The following PRKN variants were observed in gnomAD, a reference collection of about 807,000 sequenced individuals.
PRKN encodes the protein parkin RBR E3 ubiquitin protein ligase, also known as E3 ubiquitin-protein ligase parkin.
PRKN carries 56 observed loss-of-function variants against 59.5 expected under a neutral mutation model. The ratio of observed to expected loss-of-function variants is 0.94; its 90% CI spans 0.76 to 1.18. The LOEUF is 1.18. PRKN is among the 50% of genes most tolerant of loss of function. PRKN has a pLI of 0.00. For synonymous variants in PRKN, 250 were observed against 222.1 expected, an observed-to-expected ratio of 1.13 and a Z score of -1.12; for missense variants, 657 against 596.4, an observed-to-expected ratio of 1.10 and a Z score of -1.06.
chr6:161,778,791 T>G (rs922630092), intron 7 of PRKN, among the ~76,000 whole-genome samples: 1 of 152,186 alleles, frequency 6.6e-6, no homozygotes, highest in African/African-American at 2.4e-5. Context: ...TCAGGGGCTG[T>G]GCTGCATCTG....
chr6:161,845,399 C>A (rs1472075464), intron 6 of PRKN, among the ~76,000 whole-genome samples: 1 of 152,164 alleles, frequency 6.6e-6, no homozygotes, highest in East Asian at 1.9e-4. Context: ...CCATGTGGGT[C>A]ATTCCCAAAG....
At chr6:162,274,197 ATTTATTTT>A (rs1562632005) in intron 2 of PRKN, among the ~76,000 whole-genome samples, 1 of 151,646 alleles carries the variant, frequency 6.6e-6, no homozygotes, top group African/African-American at 2.4e-5. Context: ...TTATTTATTT[ATTTATTTT>A]GTGAGACCAG....
chr6:162,619,710 T>TCA (rs56144864), intron 1 of PRKN, among the ~76,000 whole-genome samples: 10,797 of 150,410 alleles, frequency 0.072, 459 homozygotes, highest in Middle Eastern at 0.15. Flanking sequence ...CTTTTTCCAC[T>TCA]CACACACACA....
At chr6:161,904,570 C>A (rs1034013710) in intron 6 of PRKN, among the ~76,000 whole-genome samples, 2 of 152,122 alleles carry the variant, frequency 1.3e-5, no homozygotes, top group African/African-American at 4.8e-5. Flanking sequence ...CTGCCTCGGC[C>A]TCCCAAAGTA....
At chr6:161,623,177 A>G (rs1582905238) in intron 7 of PRKN, among the ~76,000 whole-genome samples, 1 of 152,188 alleles carries the variant, frequency 6.6e-6, no homozygotes, top group African/African-American at 2.4e-5. Context: ...CACTGAGGGC[A>G]CCTGCCAAGA....
intron 10 of PRKN, among the ~76,000 whole-genome samples, chr6:161,375,852 C>T (rs1278385438): frequency 6.6e-6 from 1 of 152,238 alleles, no homozygotes; most frequent in Non-Finnish European, 1.5e-5. Context: ...AGATCTGTCG[C>T]AGCCGTTCCA....
intron 7 of PRKN, among the ~76,000 whole-genome samples, chr6:161,743,596 T>C (rs1233028579): frequency 6.6e-6 from 1 of 151,728 alleles, no homozygotes; most frequent in Admixed American, 6.6e-5. Flanking sequence ...CAACCCAACA[T>C]ATAATTCACG....
rs891986756 is a variant in PRKN at position 161,405,788 on chromosome 6, C to T, written c.1084-18911G>A. On this transcript the variant is annotated intron_variant, in intron 9 of 11. Transcript: ENST00000366898. This position sits in a 1 kb window ranked among gnomAD's most constrained non-coding sequence, Gnocchi z 5.1. ...CGTTGGGCCATTTGAGAAGTGGCAA[C>T]AGGGGATCAGCAGAAGGGTTAACTG... Among the ~76,000 whole-genome samples the T allele has an allele frequency of 5.3e-5, 8 of 151,966 alleles. No homozygotes were observed. Among genetic ancestry groups the T allele is most frequent in the Non-Finnish European group, 8.8e-5 (6 of 68,008 alleles).
chr6:162,194,879 G>A (rs1034479533), intron 4 of PRKN, among the ~76,000 whole-genome samples: 2 of 152,070 alleles, frequency 1.3e-5, no homozygotes, highest in Non-Finnish European at 2.9e-5. Flanking sequence ...ATGAGAGCCC[G>A]TGATAAGGAC....
chr6:162,276,088 C>T (rs75315089), intron 2 of PRKN, among the ~76,000 whole-genome samples: 2,109 of 152,282 alleles, frequency 0.014, 54 homozygotes, highest in African/African-American at 0.045. Context: ...TCATAAACGT[C>T]TGTCAGCTTT....
rs1325764594 is a variant in PRKN at position 162,056,998 on chromosome 6, T to TA, written c.535-2825dup. Among the ~76,000 whole-genome samples the TA allele has an allele frequency of 6.6e-6, 1 of 152,088 alleles. No homozygotes were observed. Among genetic ancestry groups the TA allele is most frequent in the African/African-American group, 2.4e-5 (1 of 41,420 alleles). The stretch of plus-strand genomic sequence containing the variant: ...CATATCCTTTTGTTGTAGTGAATCT[T>TA]AGCTATGTGTGTGACAGGACAGCAA... On this transcript the variant is annotated intron_variant, in intron 4 of 11. Transcript: ENST00000366898. This position sits in a 1 kb window ranked among gnomAD's most constrained non-coding sequence, Gnocchi z 4.9.
At chr6:161,702,560 T>C (rs1055989993) in intron 7 of PRKN, among the ~76,000 whole-genome samples, 4 of 151,420 alleles carry the variant, frequency 2.6e-5, no homozygotes, top group Non-Finnish European at 5.9e-5. Flanking sequence ...GAGAGGGGAA[T>C]TGGTGTCTAA....
At chr6:162,050,320 T>C (rs762592860) in intron 5 of PRKN, among the ~76,000 whole-genome samples, 1 of 152,198 alleles carries the variant, frequency 6.6e-6, no homozygotes, top group Non-Finnish European at 1.5e-5. Flanking sequence ...TAAAGCCAGA[T>C]TCTGTTCCTT....
chr6:161,506,957 C>G (rs1197388280), intron 9 of PRKN, among the ~76,000 whole-genome samples: 7 of 152,068 alleles, frequency 4.6e-5, no homozygotes. Context: ...TGAGGAGGGG[C>G]ATTAAGCCTC....
At chr6:161,728,960 T>G (rs545122237) in intron 7 of PRKN, among the ~76,000 whole-genome samples, 1 of 152,336 alleles carries the variant, frequency 6.6e-6, no homozygotes, top group East Asian at 1.9e-4. Flanking sequence ...TTGCCTGCAT[T>G]CAACCAACAT....
chr6:162,590,837 A>G (rs1290448458), intron 1 of PRKN, among the ~76,000 whole-genome samples: 1 of 152,182 alleles, frequency 6.6e-6, no homozygotes, highest in African/African-American at 2.4e-5. Context: ...TTAGGAGCAC[A>G]TACTCTGGGC....
rs917257751 is a variant in PRKN, at chr6:161,562,544, C to T, written c.933+6811G>A. ...TAATTCCAAAGTTATCTCTCCATCT[C>T]GGACCTCAGGTCTCACTGTCCTCCA... On this transcript the variant is annotated intron_variant, in intron 8 of 11. Transcript: ENST00000366898. This position sits in a 1 kb window ranked among gnomAD's most constrained non-coding sequence, Gnocchi z 4.3. 6.6e-5 allele frequency among the ~76,000 whole-genome samples: 10 copies of T among 152,200 alleles called. No homozygotes were observed. The highest frequency in any genetic ancestry group is 3.9e-4 in the East Asian group (2 of 5,190).
At chr6:161,833,245 G>C (rs1176657340) in intron 6 of PRKN, among the ~76,000 whole-genome samples, 1 of 152,096 alleles carries the variant, frequency 6.6e-6, no homozygotes, top group Non-Finnish European at 1.5e-5. Context: ...CCCTGGAATG[G>C]GGCACCGCCA....
Position 161,384,920 on chromosome 6 carries a change from C to T in PRKN, c.1167+1874G>A, listed in dbSNP as rs61444298. 9.0e-3 allele frequency among the ~76,000 whole-genome samples: 1,371 copies of T among 152,254 alleles called. 22 individuals are homozygous for T. Among genetic ancestry groups the T allele is most frequent in the African/African-American group, 0.031 (1,279 of 41,536 alleles). ...CCCTATGAGCCTCTAAAGGGAAATACACTTTTCTTTTCTTTTTTTGAGGGG... is the reference window on the plus strand; with the variant it reads ...CCCTATGAGCCTCTAAAGGGAAATATACTTTTCTTTTCTTTTTTTGAGGGG... On this transcript the variant is annotated intron_variant, in intron 10 of 11. Transcript: ENST00000366898.
Sources: allele counts gnomAD v4.1 joint callset (sites outside exome capture counted in the v4.1 genomes callset), GRCh38; gene constraint gnomAD v4.1.1; non-coding constraint Gnocchi (gnomAD v3.1); transcripts MANE v1.5; gene names NCBI Gene and HGNC (gene_info 2026-07-23, HGNC 2026-07-21).